LY86: variants seen among roughly 807,000 people sequenced by gnomAD.
The protein encoded by LY86 is MD-1, RP105-associated.
A neutral mutation model predicts 17.3 loss-of-function variants in LY86; 20 were observed. That is an observed-to-expected ratio of 1.15 (90% CI 0.81 to 1.68). The LOEUF (loss-of-function observed/expected upper bound fraction) is 1.68. Among genes scored for constraint, LY86 ranks in the 40% most tolerant of loss-of-function variants. LY86 has a pLI of 0.00. For missense variants in LY86, 200 were observed against 191.9 expected (o/e 1.04, Z -0.25); for synonymous variants, 74 against 70.6 (o/e 1.05, Z -0.24).
intron 1 of LY86, among the ~76,000 whole-genome samples, chr6:6,610,631 G>T (rs2113113694): frequency 6.6e-6 from 1 of 150,404 alleles, no homozygotes; most frequent in African/African-American, 2.5e-5. Flanking sequence ...TACCAAGACA[G>T]TCTGCCCTAA....
At chr6:6,628,267 TC>T (rs1761835182) in intron 3 of LY86, among the ~76,000 whole-genome samples, 1 of 64,020 alleles carries the variant, frequency 1.6e-5, no homozygotes, top group Non-Finnish European at 3.0e-5. Flanking sequence ...TCCCTCCCCT[TC>T]CTCCTTCCCT....
chr6:6,602,794 ACT>A (rs1418591000), intron 1 of LY86, among the ~76,000 whole-genome samples: 1 of 151,778 alleles, frequency 6.6e-6, no homozygotes, highest in African/African-American at 2.4e-5. Context: ...GTAGGCATTA[ACT>A]CTCAGCACTC....
chr6:6,595,706 A>T (rs2113078114), intron 1 of LY86, among the ~76,000 whole-genome samples: 1 of 152,280 alleles, frequency 6.6e-6, no homozygotes, highest in East Asian at 1.9e-4. Context: ...ACATCTTCCA[A>T]ATTAAAAGAA....
intron 4 of LY86, among the ~76,000 whole-genome samples, chr6:6,652,648 C>T (rs1393343164): frequency 1.3e-5 from 2 of 152,166 alleles, no homozygotes; most frequent in African/African-American, 2.4e-5. Flanking sequence ...CAAAGGTGCA[C>T]CTACAAATTC....
At chr6:6,652,399 A>G (rs975304699) in intron 4 of LY86, among the ~76,000 whole-genome samples, 3 of 152,144 alleles carry the variant, frequency 2.0e-5, no homozygotes, top group African/African-American at 7.2e-5. Flanking sequence ...TCCTCCAGAG[A>G]TGGGCTCTGG....
intron 1 of LY86, chr6:6,621,481 T>C (rs543885901): frequency 1.3e-5 from 2 of 152,346 alleles, no homozygotes; most frequent in East Asian, 1.9e-4. Flanking sequence ...TGGAAATTGA[T>C]ACAGTGATTA....
chr6:6,595,085 AAAG>A (rs1466539759), intron 1 of LY86, among the ~76,000 whole-genome samples: 2 of 151,964 alleles, frequency 1.3e-5, no homozygotes, highest in African/African-American at 4.8e-5. Flanking sequence ...TGGACCAGCA[AAAG>A]AAGGATGGGG....
intron 1 of LY86, among the ~76,000 whole-genome samples, chr6:6,612,455 A>G (rs1284730677): frequency 1.3e-5 from 2 of 152,194 alleles, no homozygotes; most frequent in African/African-American, 2.4e-5. Flanking sequence ...GGGGAGTGTT[A>G]CACTTCATAA....
chr6:6,589,018 C>A, intron 1 of LY86, 148 bp downstream of exon 1: 1 of 1,044,264 alleles, frequency 9.6e-7, no homozygotes, highest in Non-Finnish European at 1.3e-6. Flanking sequence ...TCTGGGAGGG[C>A]CACTGGGAGC....
At chr6:6,604,105 A>G (rs1191485583) in intron 1 of LY86, among the ~76,000 whole-genome samples, 1 of 152,198 alleles carries the variant, frequency 6.6e-6, no homozygotes, top group African/African-American at 2.4e-5. Context: ...CATCTGAGGC[A>G]TATAGGCAGA....
intron 1 of LY86, among the ~76,000 whole-genome samples, chr6:6,619,411 C>T (rs1761624130): frequency 6.6e-6 from 1 of 152,144 alleles, no homozygotes; most frequent in African/African-American, 2.4e-5. Context: ...CCCTAACACA[C>T]CCCCCCATTA....
At chr6:6,613,105 C>T (rs1761432453) in intron 1 of LY86, among the ~76,000 whole-genome samples, 1 of 151,874 alleles carries the variant, frequency 6.6e-6, no homozygotes, top group Admixed American at 6.6e-5. Flanking sequence ...TTGGTGCATT[C>T]ACAAACCCTG....
chr6:6,595,854 G>C (rs1188903507), intron 1 of LY86, among the ~76,000 whole-genome samples: 1 of 152,164 alleles, frequency 6.6e-6, no homozygotes, highest in Non-Finnish European at 1.5e-5. Flanking sequence ...TAGTCAGTGA[G>C]CGGGGAGGGG....
intron 3 of LY86, among the ~76,000 whole-genome samples, chr6:6,627,306 CA>C (rs1200996051): frequency 1.2e-4 from 19 of 152,278 alleles, no homozygotes; most frequent in African/African-American, 4.1e-4. Flanking sequence ...TGAAATGCTG[CA>C]ATTACTCCTT....
intron 3 of LY86, among the ~76,000 whole-genome samples, chr6:6,637,138 G>A (rs570352729): frequency 7.5e-4 from 113 of 150,862 alleles, no homozygotes; most frequent in Non-Finnish European, 1.4e-3. Context: ...TTAGCCTCCC[G>A]AGGAGCTGGG....
intron 3 of LY86, among the ~76,000 whole-genome samples, chr6:6,629,751 C>T (rs1044748056): frequency 2.0e-5 from 3 of 152,204 alleles, no homozygotes; most frequent in African/African-American, 4.8e-5. Flanking sequence ...AGGCAAGCAT[C>T]ACATTGGATT....
At chr6:6,650,761 T>C (rs1186701822) in intron 4 of LY86, among the ~76,000 whole-genome samples, 1 of 152,230 alleles carries the variant, frequency 6.6e-6, no homozygotes, top group African/African-American at 2.4e-5. Flanking sequence ...TGTCCATCAC[T>C]GAATACATTT....
intron 1 of LY86, among the ~76,000 whole-genome samples, chr6:6,613,258 A>C (rs1020042243): frequency 6.6e-6 from 1 of 152,192 alleles, no homozygotes; most frequent in Non-Finnish European, 1.5e-5. Context: ...CTGCCTGCCA[A>C]TCCCGCGCCG....
At chr6:6,609,334 A>G (rs1395965647) in intron 1 of LY86, among the ~76,000 whole-genome samples, 1 of 152,188 alleles carries the variant, frequency 6.6e-6, no homozygotes, top group African/African-American at 2.4e-5. Flanking sequence ...TGGCTTTGGG[A>G]ATGAAGAATT....
Sources: gnomAD v4.1 joint callset for allele counts (sites outside exome capture counted in the v4.1 genomes callset) on GRCh38, gnomAD v4.1.1 for gene constraint, MANE v1.5 for transcripts, NCBI Gene and HGNC (gene_info 2026-07-23, HGNC 2026-07-21) for gene names.